Variants in NTAN1 observed in about 807,000 individuals in gnomAD.
NTAN1 encodes the protein N-terminal asparagine amidase.
A neutral mutation model predicts 41.9 loss-of-function variants in NTAN1; 32 were observed. The observed-to-expected ratio is 0.76, with a 90% CI of 0.58 to 1.03. The LOEUF (loss-of-function observed/expected upper bound fraction) is 1.03, where lower values mean the gene tolerates loss of function less well. NTAN1 is among the 50% of genes least tolerant of loss of function. The pLI is 0.00. For missense variants in NTAN1, 377 were observed against 377.5 expected (o/e 1.00, Z 0.01); for synonymous variants, 140 against 139.5 (o/e 1.00, Z -0.03).
chr16:15,041,724 A>G, intron 5 of NTAN1, 48 bp from the exon 6 acceptor site: 2 of 1,353,776 alleles, frequency 1.5e-6, no homozygotes, highest in Non-Finnish European at 2.1e-6. Context: ...TCCTCTAGTT[A>G]CCAGAACAAA....
At chr16:15,049,145 T>C (rs2044199410) in intron 1 of NTAN1, among the ~76,000 whole-genome samples, 1 of 150,930 alleles carries the variant, frequency 6.6e-6, no homozygotes, top group South Asian at 2.1e-4. Context: ...CCACCCACCC[T>C]GGCCTCCCAA....
chr16:15,050,312 C>T (rs1191488201), intron 1 of NTAN1, among the ~76,000 whole-genome samples: 1 of 152,170 alleles, frequency 6.6e-6, no homozygotes, highest in Non-Finnish European at 1.5e-5. Context: ...CAAAATCTTC[C>T]TCAAATGTCT....
At chr16:15,047,331 C>G (rs1567766095) in intron 4 of NTAN1, 111 bp downstream of exon 4, 2 of 744,178 alleles carry the variant, frequency 2.7e-6, no homozygotes, top group African/African-American at 3.4e-5. Context: ...GGGAACGAGG[C>G]AGACACGGCA....
chr16:15,038,710 T>C (rs374022020), intron 8 of NTAN1, 23 bp from the exon 9 acceptor site: 32 of 1,360,724 alleles, frequency 2.4e-5, no homozygotes, highest in African/African-American at 2.3e-4. Flanking sequence ...GTGTCAAGGA[T>C]AGAATTTCAG....
intron 5 of NTAN1, among the ~76,000 whole-genome samples, chr16:15,043,114 G>T (rs1187123118): frequency 6.6e-6 from 1 of 152,080 alleles, no homozygotes; most frequent in Non-Finnish European, 1.5e-5. Context: ...TGGTCAGGCT[G>T]GTCTTGAACT....
chr16:15,043,737 C>A (rs575965031), intron 5 of NTAN1, among the ~76,000 whole-genome samples: 1 of 152,140 alleles, frequency 6.6e-6, no homozygotes, highest in Admixed American at 6.5e-5. Flanking sequence ...ATCACCAGGT[C>A]GGGAGTTCAC....
chr16:15,050,521 C>CTAAG (rs1461058246), intron 1 of NTAN1, among the ~76,000 whole-genome samples: 3 of 152,088 alleles, frequency 2.0e-5, no homozygotes, highest in Admixed American at 6.5e-5. Flanking sequence ...CTGCTTGAGC[C>CTAAG]TAAGAGTTCA....
At chr16:15,050,103 C>T (rs2044238887) in intron 1 of NTAN1, among the ~76,000 whole-genome samples, 2 of 152,054 alleles carry the variant, frequency 1.3e-5, no homozygotes, top group Admixed American at 6.6e-5. Flanking sequence ...ATGGATAAGG[C>T]AAATTTACGA....
chr16:15,050,404 G>A (rs1361507163), intron 1 of NTAN1, among the ~76,000 whole-genome samples: 2 of 152,116 alleles, frequency 1.3e-5, no homozygotes, highest in Non-Finnish European at 2.9e-5. Flanking sequence ...CATTTCGCAT[G>A]ACTGGTGCTA....
chr16:15,038,879 C>T (rs2043674812), intron 8 of NTAN1, among the ~76,000 whole-genome samples, 192 bp from the exon 9 acceptor site: 1 of 152,170 alleles, frequency 6.6e-6, no homozygotes, highest in African/African-American at 2.4e-5. Flanking sequence ...CTGTGGGGCA[C>T]GCACGACTGC....
chr16:15,042,858 G>T (rs1248411879), intron 5 of NTAN1, among the ~76,000 whole-genome samples: 1 of 149,150 alleles, frequency 6.7e-6, no homozygotes, highest in African/African-American at 2.5e-5. Context: ...TCAGCCTCCT[G>T]AATAGCTGGG....
chr16:15,048,155 CTAAA>C, intron 1 of NTAN1, 56 bp from the exon 2 acceptor site: 1 of 1,309,954 alleles, frequency 7.6e-7, no homozygotes, highest in Non-Finnish European at 1.1e-6. Context: ...GATGGAAAAA[CTAAA>C]GATGTGGAGA....
intron 5 of NTAN1, among the ~76,000 whole-genome samples, chr16:15,042,087 T>G (rs2043841464): frequency 6.6e-6 from 1 of 152,172 alleles, no homozygotes; most frequent in South Asian, 2.1e-4. Flanking sequence ...AGGAAGTCGG[T>G]TTTTAATGTC....
Position 15,041,497 on chromosome 16 carries a change from G to C in NTAN1, c.487+126C>G, listed in dbSNP as rs144155159. 7,501 of 767,852 alleles carry C rather than the reference G, an allele frequency of 9.8e-3. 59 individuals are homozygous for C. The highest frequency in any genetic ancestry group is 0.014 in the Non-Finnish European group (6,005 of 415,674). 47.6% of individuals were successfully genotyped at this position (767,852 alleles called of 1,614,324 possible). ...GGGGAAGGCCATCCCACCACAGGAA[G>C]AGCCGGAACAGATGGTGGCCAAGCA... On this transcript the variant is annotated intron_variant, in intron 6 of 9. Transcript: ENST00000287706.
Position 15,039,950 on chromosome 16 carries a change from A to C in NTAN1, c.639+19T>G. 1 of 1,456,200 alleles carries C rather than the reference A, an allele frequency of 6.9e-7. No individual in the cohort carries two copies. The allele number at this position is 1,456,200 out of a possible 1,614,324, so 90.2% of individuals were successfully genotyped here. A position where few individuals can be genotyped will look rare whatever the true frequency, so the allele number is the denominator to read the frequency against. On this transcript the variant is annotated intron_variant, in intron 8 of 9. Transcript: ENST00000287706. ...CCTTTTTTTTTTTAACCCCTTAACA[A>C]AGATGATTTGAAACTCACTGGTCCT...
At chr16:15,045,984 C>T (rs1242003903) in intron 4 of NTAN1, 1 of 152,302 alleles carries the variant, frequency 6.6e-6, no homozygotes, top group African/African-American at 2.4e-5. Flanking sequence ...ACTGGGCCAC[C>T]AGGTTTGCCT....
chr16:15,044,370 T>G lies in NTAN1; in HGVS notation c.397A>C (p.Arg133=). 1 of 1,613,460 alleles carries G rather than the reference T, an allele frequency of 6.2e-7. No individual in the cohort carries two copies. Among genetic ancestry groups the G allele is most frequent in the Non-Finnish European group, 8.5e-7 (1 of 1,179,402 alleles). The change falls in exon 5 of 10, where the codon AGG becomes CGG. Residue 133 remains arginine, a synonymous_variant. Coordinates refer to ENST00000287706, the MANE Select transcript of NTAN1 (RefSeq NM_173474.4). ...TGAGTGAGTTTTTGTGACAACTGCC[T>G]GTCGTCACTGAAGCCTCCAACAAGG... ...VHLVGGFSDD[R]QLSQKLTHQL...
In NTAN1 at chr16:15,055,900, C is replaced by T. The variant is rs1462834306; in HGVS notation, c.72G>A (p.Pro24=). The change falls in exon 1 of 10, where the codon CCG becomes CCA. Residue 24 remains proline (P), a synonymous_variant. Transcript: ENST00000287706. ...QSAGDLVRAH[P]PLEERARLLR... is the part of the protein sequence containing the mutation. The stretch of plus-strand genomic sequence containing the variant: ...GCCGCGCCCCACTCACCTCCAAAGG[C>T]GGGTGGGCTCGGACGAGGTCCCCGG... 2.4e-6 allele frequency: 3 copies of T among 1,229,630 alleles called. No homozygotes were observed. In the Admixed American group the frequency reaches 1.3e-4, roughly 52 times the overall value. 76.2% of individuals were successfully genotyped at this position (1,229,630 alleles called of 1,614,324 possible). A position where few individuals can be genotyped will look rare whatever the true frequency, so the allele number is the denominator to read the frequency against.
Position 15,047,441 on chromosome 16 carries a change from C to T in NTAN1, c.359+1G>A. 1 of 1,579,480 alleles carries T rather than the reference C, an allele frequency of 6.3e-7. No homozygotes were observed. The highest frequency in any genetic ancestry group is 1.1e-5 in the South Asian group (1 of 90,268). ...ACCTATGAGAGCAGCGTAGATCTCACCTTCCACATTGAGCGTGGTCAGAAA... is the reference window on the plus strand; with the variant it reads ...ACCTATGAGAGCAGCGTAGATCTCATCTTCCACATTGAGCGTGGTCAGAAA... On this transcript the variant is annotated splice_donor_variant, in intron 4 of 9. Coordinates refer to ENST00000287706, the MANE Select transcript of NTAN1 (RefSeq NM_173474.4). LOFTEE classifies it high-confidence loss of function.
Sources: gnomAD v4.1 joint callset for allele counts (sites outside exome capture counted in the v4.1 genomes callset) on GRCh38, gnomAD v4.1.1 for gene constraint, MANE v1.5 for transcripts, NCBI Gene and HGNC (gene_info 2026-07-23, HGNC 2026-07-21) for gene names.